The following SH3TC1 variants were observed in gnomAD, a reference collection of about 807,000 sequenced individuals.
The protein encoded by SH3TC1 is SH3 domain and tetratricopeptide repeat-containing protein 1.
A neutral mutation model predicts 117.3 loss-of-function variants in SH3TC1; 135 were observed. The ratio of observed to expected loss-of-function variants is 1.15; its 90% CI spans 1.00 to 1.33. SH3TC1 has a LOEUF of 1.33. Ranked by LOEUF, SH3TC1 falls within the 40% of genes most tolerant of loss-of-function variation. The pLI, the probability that SH3TC1 is intolerant of heterozygous loss-of-function variation, is 0.00. For missense variants in SH3TC1, 2,092 were observed against 1,794.3 expected (o/e 1.17, Z -3.00); for synonymous variants, 898 against 816.9 (o/e 1.10, Z -1.69).
intron 14 of SH3TC1, among the ~76,000 whole-genome samples, chr4:8,234,568 T>TATCC (rs1243580736): frequency 1.2e-4 from 18 of 149,436 alleles, no homozygotes; most frequent in Admixed American, 8.6e-4. Flanking sequence ...CTCATCCATT[T>TATCC]ATCCATCCAT....
rs945747009 is a variant in SH3TC1, at chr4:8,239,185, A to G, written c.3754-1513A>G. On this transcript the variant is annotated intron_variant, in intron 17 of 17. Transcript: ENST00000245105. ...TAGGTGTGTCCTGGCTCAGCCTGCC[A>G]CCCACTAGCTGCTGCACGCACTACA... Among the ~76,000 whole-genome samples the G allele has an allele frequency of 5.9e-5, 9 of 152,080 alleles. No homozygotes were observed. In the East Asian group the frequency reaches 1.7e-3, roughly 29 times the overall value.
chr4:8,205,324 G>C lies in SH3TC1; in HGVS notation c.130G>C (p.Glu44Gln). The C allele has an allele frequency of 6.5e-7, 1 of 1,550,100 alleles. No homozygotes were observed. The highest frequency in any genetic ancestry group is 8.7e-7 in the Non-Finnish European group (1 of 1,147,004). ...TVVMRPSVSW[E>Q]KAGPEEAKAP... ...GGTCATGAGGCCCTCTGTGAGCTGG[G>C]AGAAAGCGGGGCCCGAGGAGGCCAA... The change falls in exon 2 of 18, where the codon GAG becomes CAG. Residue 44 changes from glutamate (E) to glutamine (Q), a missense_variant. Coordinates refer to ENST00000245105, the MANE Select transcript of SH3TC1 (RefSeq NM_018986.5). This position sits in a 1 kb window ranked among gnomAD's most constrained non-coding sequence, Gnocchi z 5.4.
intron 13 of SH3TC1, 147 bp from the exon 14 acceptor site, chr4:8,233,216 G>T: frequency 7.1e-7 from 1 of 1,415,266 alleles, no homozygotes; most frequent in Non-Finnish European, 9.2e-7. Flanking sequence ...CACCCTCTCA[G>T]CAGCCCGGGA....
At chr4:8,195,666 T>C (rs537322855), upstream of SH3TC1, among the ~76,000 whole-genome samples, 11 of 152,234 alleles carry the variant, frequency 7.2e-5, no homozygotes, top group African/African-American at 2.4e-4. Flanking sequence ...TGGGGGCTTT[T>C]TTCAACGTAG....
intron 1 of SH3TC1, among the ~76,000 whole-genome samples, chr4:8,182,885 C>A (rs55909383): frequency 3.9e-5 from 6 of 152,208 alleles, no homozygotes; most frequent in Admixed American, 1.3e-4. Flanking sequence ...CTCAGTCCCC[C>A]TCATGGGGCC....
At chr4:8,214,621 C>A in intron 5 of SH3TC1, 41 bp downstream of exon 5, 1 of 1,507,220 alleles carries the variant, frequency 6.6e-7, no homozygotes, top group Non-Finnish European at 9.2e-7. Context: ...TGGGGACGCC[C>A]GTCGGAAGGT....
intron 1 of SH3TC1, among the ~76,000 whole-genome samples, chr4:8,189,925 C>A (rs1329769770): frequency 6.6e-6 from 1 of 152,074 alleles, no homozygotes; most frequent in Non-Finnish European, 1.5e-5. Context: ...AGCGGGTGGA[C>A]CAGTGGCCCA....
chr4:8,197,591 C>T (rs1717597988), upstream of SH3TC1, among the ~76,000 whole-genome samples: 1 of 152,218 alleles, frequency 6.6e-6, no homozygotes, highest in South Asian at 2.1e-4. Context: ...CCCTCCAACC[C>T]ACCGTGTGCT....
At chr4:8,188,036 G>A (rs1038667365) in intron 1 of SH3TC1, among the ~76,000 whole-genome samples, 1 of 152,118 alleles carries the variant, frequency 6.6e-6, no homozygotes, top group Non-Finnish European at 1.5e-5. Flanking sequence ...ATCACACTTC[G>A]TTACTTCCTG....
At chr4:8,239,003 G>T (rs972777807) in intron 17 of SH3TC1, among the ~76,000 whole-genome samples, 1 of 152,162 alleles carries the variant, frequency 6.6e-6, no homozygotes, top group Non-Finnish European at 1.5e-5. Context: ...TAGAGGTGCC[G>T]GATCCAGGGC....
At chr4:8,196,303 C>A (rs773457835), upstream of SH3TC1, among the ~76,000 whole-genome samples, 2 of 152,100 alleles carry the variant, frequency 1.3e-5, no homozygotes, top group African/African-American at 2.4e-5. This position sits in a 1 kb window ranked among gnomAD's most constrained non-coding sequence, Gnocchi z 4.6. Flanking sequence ...ACCCGAGGCA[C>A]GAATGTGACC....
chr4:8,227,906 C>CG lies in SH3TC1; in HGVS notation c.2216dup (p.Ser740LeufsTer145). The CG allele has an allele frequency of 1.2e-6, 2 of 1,612,772 alleles. No individual in the cohort carries two copies. Among genetic ancestry groups the CG allele is most frequent in the South Asian group, 2.2e-5 (2 of 91,086 alleles). On this transcript the variant is annotated frameshift_variant, in exon 12 of 18. Transcript: ENST00000245105. LOFTEE classifies it high-confidence loss of function. ...TGTCAAGGTGGCCTCATTGCGGACA[C>CG]GGGGCTCGCTGGCCGGCTCGCTGAG...
At chr4:8,235,590 CA>C (rs761535940) in intron 15 of SH3TC1, 35 bp downstream of exon 15, 23 of 1,534,272 alleles carry the variant, frequency 1.5e-5, no homozygotes, top group African/African-American at 8.3e-5. Context: ...GGGTGGGCCC[CA>C]GGGGGGGCAC....
Position 8,214,097 on chromosome 4 carries a change from GTGGGGC to G in SH3TC1, c.376-371_376-366del, listed in dbSNP as rs201354586. ...ATGGAAATCAGAGCTGATGCTGCAGGTGGGGCTGGGGCCACTCAGGGCTGAGAGCAC... is the reference window on the plus strand; with the variant it reads ...ATGGAAATCAGAGCTGATGCTGCAGGTGGGGCCACTCAGGGCTGAGAGCAC... On this transcript the variant is annotated intron_variant, in intron 4 of 17. Transcript: ENST00000245105. Among the ~76,000 whole-genome samples, 799 of 152,272 alleles carry G rather than the reference GTGGGGC, an allele frequency of 5.2e-3. 7 individuals are homozygous for G. The highest frequency in any genetic ancestry group is 0.018 in the African/African-American group (760 of 41,550).
At chr4:8,197,484 G>T (rs1717593194), upstream of SH3TC1, among the ~76,000 whole-genome samples, 2 of 152,246 alleles carry the variant, frequency 1.3e-5, no homozygotes, top group African/African-American at 4.8e-5. Context: ...CAGGGAAGAA[G>T]AGCTGGTCTG....
rs199612522 is a variant in SH3TC1 at position 8,235,399 on chromosome 4, T to C, written c.3283-34T>C. 3.5e-6 allele frequency: 5 copies of C among 1,448,734 alleles called. No homozygotes were observed. In the East Asian group the frequency reaches 7.5e-5, roughly 22 times the overall value. The allele number at this position is 1,448,734 out of a possible 1,614,324, so 89.7% of individuals were successfully genotyped here. A position where few individuals can be genotyped will look rare whatever the true frequency, so the allele number is the denominator to read the frequency against. ...GGGTGGGCGTGGCCACCTCACCAGG[T>C]GTGGGTCTTGAGGGAACTTCTGCCT... On this transcript the variant is annotated intron_variant, in intron 14 of 17. Transcript: ENST00000245105.
chr4:8,214,500 T>C lies in SH3TC1; in HGVS notation c.401T>C (p.Ile134Thr), dbSNP rs201202895. 2.5e-6 allele frequency: 4 copies of C among 1,614,000 alleles called. No individual in the cohort carries two copies. The East Asian group carries it at 8.9e-5, about 36-fold the overall frequency. ...LGELSARLLS[I>T]HSDQDRIVVT... ...GAATTATCAGCCAGGCTGCTGTCCATCCACAGTGACCAGGACCGGATCGTG... is the reference window on the plus strand; with the variant it reads ...GAATTATCAGCCAGGCTGCTGTCCACCCACAGTGACCAGGACCGGATCGTG... The change falls in exon 5 of 18, where the codon ATC becomes ACC. Residue 134 changes from isoleucine to threonine, a missense_variant. Transcript: ENST00000245105.
upstream of SH3TC1, among the ~76,000 whole-genome samples, chr4:8,196,983 A>G (rs2152975503): frequency 3.3e-5 from 5 of 152,324 alleles, no homozygotes; most frequent in South Asian, 1.0e-3. This position sits in a 1 kb window ranked among gnomAD's most constrained non-coding sequence, Gnocchi z 4.6. Flanking sequence ...ACCAAAAGGT[A>G]GGACCACCCT....
intron 1 of SH3TC1, among the ~76,000 whole-genome samples, chr4:8,201,114 A>G (rs1298472): frequency 0.79 from 119,450 of 152,042 alleles, 48,261 homozygotes; most frequent in East Asian, 1. Context: ...TGAGGTCTCA[A>G]TGGCCCTAGA....
Sources: allele counts gnomAD v4.1 joint callset (sites outside exome capture counted in the v4.1 genomes callset), GRCh38; gene constraint gnomAD v4.1.1; non-coding constraint Gnocchi (gnomAD v3.1); transcripts MANE v1.5; gene names NCBI Gene and HGNC (gene_info 2026-07-23, HGNC 2026-07-21).